MECOM: variants seen among roughly 807,000 people sequenced by gnomAD.
MECOM encodes the protein MDS1 and EVI1 complex locus.
MECOM carries 13 observed loss-of-function variants against 116.3 expected under a neutral mutation model. That is an observed-to-expected ratio of 0.11 (90% confidence interval 0.07 to 0.18). The LOEUF is 0.18. Ranked by LOEUF, MECOM falls within the 10% of genes least tolerant of loss-of-function variation. The probability of loss-of-function intolerance (pLI) is 1.00; values close to 1 mark genes in which losing one functional copy is unlikely to be tolerated. For missense variants in MECOM, 1,299 were observed against 1,509.0 expected (o/e 0.86, Z 2.31); for synonymous variants, 528 against 535.2 (o/e 0.99, Z 0.19).
intron 2 of MECOM, chr3:169,146,637 C>T: frequency 7.3e-7 from 1 of 1,364,968 alleles, no homozygotes; most frequent in Non-Finnish European, 9.7e-7. Context: ...CCCGTAGAAA[C>T]GGTGCCCCGG....
rs533174365 is a variant in MECOM, at chr3:169,115,123, A to G, written c.2489+260T>C. Among the ~76,000 whole-genome samples, 33 of 152,286 alleles carry G rather than the reference A, an allele frequency of 2.2e-4. 2 individuals carry two copies. In the East Asian group the frequency reaches 6.4e-3, roughly 29 times the overall value. On this transcript the variant is annotated intron_variant, in intron 8 of 16. Transcript: ENST00000651503. ...TTCCCATATTTTCCACTCCAAAAAA[A>G]GTGTTTAAAAATAAATTTATTGTCA...
intron 1 of MECOM, among the ~76,000 whole-genome samples, chr3:169,408,629 T>C (rs1005388225): frequency 2.0e-5 from 3 of 152,188 alleles, no homozygotes; most frequent in Admixed American, 6.5e-5. Context: ...CTAAAAACTT[T>C]GAAATTATCA....
intron 1 of MECOM, among the ~76,000 whole-genome samples, chr3:169,461,218 A>G (rs1747385494): frequency 6.6e-6 from 1 of 152,136 alleles, no homozygotes; most frequent in Non-Finnish European, 1.5e-5. Context: ...TCTATTTTCT[A>G]AATTAGTTGA....
chr3:169,379,129 G>T (rs955445231), intron 2 of MECOM, among the ~76,000 whole-genome samples: 3 of 151,352 alleles, frequency 2.0e-5, no homozygotes, highest in Non-Finnish European at 2.9e-5. Context: ...ATCATGATTG[G>T]GTTTTGTATT....
intron 1 of MECOM, among the ~76,000 whole-genome samples, chr3:169,469,894 C>CA (rs1273251615): frequency 5.9e-5 from 9 of 152,066 alleles, no homozygotes; most frequent in Non-Finnish European, 1.0e-4. Context: ...TCACTTAAAG[C>CA]AAAAAATGCC....
chr3:169,108,766 A>G (rs1726296499), intron 9 of MECOM, among the ~76,000 whole-genome samples: 2 of 152,310 alleles, frequency 1.3e-5, no homozygotes, highest in African/African-American at 2.4e-5. Flanking sequence ...AGAACAGAAG[A>G]TTTAAGTGAT....
chr3:169,612,043 A>C (rs1479672016), intron 1 of MECOM, among the ~76,000 whole-genome samples: 1 of 152,160 alleles, frequency 6.6e-6, no homozygotes, highest in Non-Finnish European at 1.5e-5. Context: ...CAACCTCCCG[A>C]ATCTCTAGTT....
chr3:169,183,388 A>G (rs1027206492), intron 2 of MECOM, among the ~76,000 whole-genome samples: 2 of 152,206 alleles, frequency 1.3e-5, no homozygotes, highest in African/African-American at 4.8e-5. Context: ...ATTTTAATCT[A>G]ATGCACACTT....
intron 1 of MECOM, among the ~76,000 whole-genome samples, chr3:169,662,299 G>A (rs115607747): frequency 0.021 from 3,154 of 152,294 alleles, 107 homozygotes; most frequent in African/African-American, 0.072. Flanking sequence ...ACGAAGCGCC[G>A]GAGGCTGCGC....
At chr3:169,642,519 C>CA (rs199958924) in intron 1 of MECOM, among the ~76,000 whole-genome samples, 11,679 of 133,020 alleles carry the variant, frequency 0.088, 663 homozygotes, top group African/African-American at 0.18. Flanking sequence ...CAACTAACAA[C>CA]AAAAAAAAAA....
intron 2 of MECOM, among the ~76,000 whole-genome samples, chr3:169,329,211 T>G (rs1361769584): frequency 6.6e-6 from 1 of 152,160 alleles, no homozygotes; most frequent in African/African-American, 2.4e-5. Context: ...TACACTTGAT[T>G]TGTGAAAAAA....
chr3:169,398,082 T>G (rs1183319140), intron 1 of MECOM, among the ~76,000 whole-genome samples: 3 of 152,162 alleles, frequency 2.0e-5, no homozygotes, highest in Non-Finnish European at 1.5e-5. Context: ...TAAATGATAT[T>G]CTTGGGACTG....
intron 2 of MECOM, among the ~76,000 whole-genome samples, chr3:169,282,376 A>T (rs1250717854): frequency 6.6e-6 from 1 of 152,152 alleles, no homozygotes; most frequent in Non-Finnish European, 1.5e-5. Flanking sequence ...TGAAGAAGGT[A>T]TCCCCCCAGA....
chr3:169,379,520 A>AAT (rs151139977), intron 2 of MECOM, among the ~76,000 whole-genome samples: 1 of 151,828 alleles, frequency 6.6e-6, no homozygotes, highest in Non-Finnish European at 1.5e-5. Context: ...GTATATGTGG[A>AAT]AGACATTTCA....
At chr3:169,321,739 A>C (rs535371262) in intron 2 of MECOM, among the ~76,000 whole-genome samples, 80 of 152,240 alleles carry the variant, frequency 5.3e-4, no homozygotes, top group African/African-American at 1.6e-3. Context: ...CACTTAAGGG[A>C]GGAGGTCAAA....
intron 1 of MECOM, among the ~76,000 whole-genome samples, chr3:169,580,101 A>C (rs961488971): frequency 6.6e-6 from 1 of 152,182 alleles, no homozygotes; most frequent in African/African-American, 2.4e-5. Context: ...TACTATCCTT[A>C]GTGTGGGAGG....
In MECOM at chr3:169,095,097, G is replaced by A. The variant is rs1349745996; in HGVS notation, c.2998C>T (p.His1000Tyr). The A allele has an allele frequency of 6.2e-6, 10 of 1,608,728 alleles. No homozygotes were observed. The highest frequency in any genetic ancestry group is 8.5e-6 in the Non-Finnish European group (10 of 1,178,124). ...GTACCGGACATGTTCCCATTCTCAT[G>A]TTTCTTTAGGTGTCTGTCTAAATTG... is the stretch of plus-strand genomic sequence containing the variant. Reference protein sequence around the residue: ...QTNLDRHLKKHENGNMSGTAT... With the variant: ...QTNLDRHLKKYENGNMSGTAT... The change falls in exon 13 of 17, where the codon CAT becomes TAT. Residue 1000 changes from histidine (H) to tyrosine (Y), a missense_variant. This residue lies in a region of MECOM where 32 missense variants were observed against 96.7 expected (regional missense o/e 0.33). Coordinates refer to ENST00000651503, the MANE Select transcript of MECOM (RefSeq NM_004991.4).
intron 1 of MECOM, among the ~76,000 whole-genome samples, chr3:169,404,832 T>C (rs528199087): frequency 6.0e-4 from 92 of 152,256 alleles, no homozygotes; most frequent in African/African-American, 2.0e-3. Flanking sequence ...ATTATTCTAA[T>C]CGAGCCCCCA....
intron 1 of MECOM, among the ~76,000 whole-genome samples, chr3:169,476,291 T>C (rs1026770024): frequency 2.6e-5 from 4 of 152,360 alleles, no homozygotes; most frequent in Non-Finnish European, 5.9e-5. Context: ...TTATGCTTGA[T>C]AAAATATTTA....
Sources: gnomAD v4.1 joint callset for allele counts (sites outside exome capture counted in the v4.1 genomes callset) on GRCh38, gnomAD v4.1.1 for gene constraint, gnomAD v4.1.1 regional missense constraint, MANE v1.5 for transcripts, NCBI Gene and HGNC (gene_info 2026-07-23, HGNC 2026-07-21) for gene names.